The following APOO variants were observed in gnomAD, a reference collection of about 807,000 sequenced individuals.
APOO encodes the protein apolipoprotein O.
APOO carries 11 observed loss-of-function variants against 23.1 expected under a neutral mutation model. That is an observed-to-expected ratio of 0.48 (90% CI 0.30 to 0.79). APOO has a LOEUF of 0.79. APOO is among the 30% of genes least tolerant of loss of function. The probability of loss-of-function intolerance (pLI) is 0.07; values close to 1 mark genes in which losing one functional copy is unlikely to be tolerated. For missense variants in APOO, 160 were observed against 142.7 expected, an observed-to-expected ratio of 1.12 and a Z score of -0.62; for synonymous variants, 59 against 54.8, an observed-to-expected ratio of 1.08 and a Z score of -0.34.
chrX:23,901,614 T>C (rs1927135223), intron 1 of APOO, among the ~76,000 whole-genome samples: 1 of 111,908 alleles, frequency 8.9e-6, no homozygotes, highest in South Asian at 3.7e-4. Flanking sequence ...AGTTTTGAAA[T>C]AAAAAATACT....
At chrX:23,869,773 A>C (rs1178566281) in intron 4 of APOO, among the ~76,000 whole-genome samples, 2 of 109,142 alleles carry the variant, frequency 1.8e-5, no homozygotes, top group East Asian at 5.7e-4. Context: ...AACATGGTAA[A>C]ACCCCATCTC....
At chrX:23,862,243 T>TA (rs755470304) in intron 5 of APOO, among the ~76,000 whole-genome samples, 1 of 109,881 alleles carries the variant, frequency 9.1e-6, no homozygotes, top group Non-Finnish European at 1.9e-5. Flanking sequence ...AACCTATTAC[T>TA]AAGTATCATC....
chrX:23,870,630 TA>T (rs1185238276), intron 4 of APOO, among the ~76,000 whole-genome samples: 2 of 98,168 alleles, frequency 2.0e-5, no homozygotes, highest in Non-Finnish European at 4.1e-5. Flanking sequence ...TACAAAAAAT[TA>T]AAAAAAAAAA....
intron 1 of APOO, among the ~76,000 whole-genome samples, chrX:23,882,278 T>C (rs185299719): frequency 8.9e-6 from 1 of 112,606 alleles, no homozygotes; most frequent in East Asian, 2.8e-4. Context: ...TTTATTTGCT[T>C]CTGAAATATG....
At chrX:23,891,794 T>C (rs1926665977) in intron 1 of APOO, among the ~76,000 whole-genome samples, 1 of 110,038 alleles carries the variant, frequency 9.1e-6, no homozygotes, top group Non-Finnish European at 1.9e-5. Flanking sequence ...TACAGTATCT[T>C]ACCCTTCTAC....
Position 23,868,693 on chromosome X carries a change from A to G in APOO, c.293-5T>C, listed in dbSNP as rs747962420. ...TTTGGAGATAGTCATAGCTGTCTAC[A>G]ATAGAATTAGACCAGGAAGCAGTTC... On this transcript the variant is annotated splice_polypyrimidine_tract_variant and splice_region_variant and intron_variant, in intron 4 of 8. Coordinates refer to ENST00000379226, the MANE Select transcript of APOO (RefSeq NM_024122.5). The G allele has an allele frequency of 7.5e-6, 9 of 1,192,475 alleles. No homozygotes were observed. In the South Asian group the frequency reaches 1.4e-4, roughly 19 times the overall value.
chrX:23,833,856 T>C (rs1394795535), intron 8 of APOO, among the ~76,000 whole-genome samples: 1 of 110,625 alleles, frequency 9.0e-6, no homozygotes, highest in Non-Finnish European at 1.9e-5. Context: ...TGGTGGCAAG[T>C]GCCTGTAATC....
intron 4 of APOO, among the ~76,000 whole-genome samples, chrX:23,869,065 C>G (rs1022027739): frequency 9.1e-6 from 1 of 109,480 alleles, no homozygotes; most frequent in Non-Finnish European, 1.9e-5. Context: ...CCCGCCACCA[C>G]GCCCAGCTAA....
chrX:23,847,856 A>AAT (rs1307528821), intron 7 of APOO, among the ~76,000 whole-genome samples: 18 of 102,924 alleles, frequency 1.7e-4, no homozygotes, highest in South Asian at 8.5e-4. Context: ...TCTCTATATA[A>AAT]ATATATATAT....
At chrX:23,846,688 C>T (rs576760482) in intron 7 of APOO, among the ~76,000 whole-genome samples, 2 of 108,368 alleles carry the variant, frequency 1.8e-5, no homozygotes, top group Admixed American at 2.0e-4. Flanking sequence ...TGAGGACTGA[C>T]ACCCACAACT....
At chrX:23,858,796 C>T (rs1924890955) in intron 5 of APOO, 63 bp from the exon 6 acceptor site, 2 of 1,037,906 alleles carry the variant, frequency 1.9e-6, no homozygotes, top group South Asian at 2.0e-5. Flanking sequence ...CACAATTTAC[C>T]TTATCCATTT....
chrX:23,853,113 C>T (rs1469939445), intron 7 of APOO, among the ~76,000 whole-genome samples: 3 of 110,698 alleles, frequency 2.7e-5, no homozygotes, highest in Non-Finnish European at 5.7e-5. Flanking sequence ...CAAAAATTAG[C>T]TGGGTGTTGT....
intron 1 of APOO, among the ~76,000 whole-genome samples, chrX:23,889,839 T>A (rs1601935462): frequency 9.1e-6 from 1 of 109,510 alleles, no homozygotes; most frequent in East Asian, 2.9e-4. Context: ...TTTTTTGTAT[T>A]TTTAGTAGAG....
At chrX:23,889,817 A>G (rs5925960) in intron 1 of APOO, among the ~76,000 whole-genome samples, 15,358 of 108,817 alleles carry the variant, frequency 0.14, 1,045 homozygotes, top group East Asian at 0.52. Flanking sequence ...ACCAGCCACC[A>G]CGCCTGGCTA....
At chrX:23,899,781 CAAATATGCAAGTTCGT>C (rs1386955307) in intron 1 of APOO, among the ~76,000 whole-genome samples, 1 of 112,451 alleles carries the variant, frequency 8.9e-6, no homozygotes. Flanking sequence ...ACAATACAAA[CAAATATGCAAGTTCGT>C]TTCCTAGCCT....
chrX:23,872,346 A>G (rs1423858343), intron 4 of APOO, among the ~76,000 whole-genome samples: 2 of 110,179 alleles, frequency 1.8e-5, no homozygotes, highest in Non-Finnish European at 3.8e-5. Flanking sequence ...GCAGTGAGCT[A>G]TGATCACGCC....
intron 5 of APOO, among the ~76,000 whole-genome samples, chrX:23,867,144 G>GAAACT (rs1302353429): frequency 1.2e-4 from 9 of 75,108 alleles, no homozygotes; most frequent in South Asian, 7.7e-4. Context: ...GAAACGAAAC[G>GAAACT]AAACTAAACT....
intron 1 of APOO, among the ~76,000 whole-genome samples, chrX:23,890,802 TC>T (rs1458303250): frequency 8.9e-6 from 1 of 111,891 alleles, no homozygotes; most frequent in Non-Finnish European, 1.9e-5. Flanking sequence ...AATGATATTT[TC>T]AACTTATGAT....
At chrX:23,875,423 T>A (rs1601918659) in intron 3 of APOO, among the ~76,000 whole-genome samples, 1 of 77,168 alleles carries the variant, frequency 1.3e-5, no homozygotes, top group Non-Finnish European at 2.6e-5. Context: ...TATTAATTAA[T>A]TTTTTTTTTT....
Sources: allele counts gnomAD v4.1 joint callset (sites outside exome capture counted in the v4.1 genomes callset), GRCh38; gene constraint gnomAD v4.1.1; transcripts MANE v1.5; gene names NCBI Gene and HGNC (gene_info 2026-07-23, HGNC 2026-07-21).